The following CA10 variants were observed in gnomAD, a reference collection of about 807,000 sequenced individuals.
CA10 encodes carbonic anhydrase-related protein 10.
A neutral mutation model predicts 44.2 loss-of-function variants in CA10; 14 were observed. That is an observed-to-expected ratio of 0.32 (90% CI 0.21 to 0.50). CA10 has a LOEUF of 0.50. Among genes scored for constraint, CA10 ranks in the 20% least tolerant of loss-of-function variants. CA10 has a pLI of 0.99. For synonymous variants in CA10, 159 were observed against 141.6 expected (o/e 1.12, Z -0.87); for missense variants, 350 against 409.7 (o/e 0.85, Z 1.26).
intron 2 of CA10, among the ~76,000 whole-genome samples, chr17:51,968,666 G>A (rs911682715): frequency 6.6e-6 from 1 of 151,832 alleles, no homozygotes; most frequent in African/African-American, 2.4e-5. Context: ...TAGTGGTTAT[G>A]TGACTCAGAA....
intron 1 of CA10, among the ~76,000 whole-genome samples, chr17:52,104,472 G>A (rs1988613812): frequency 6.6e-6 from 1 of 152,106 alleles, no homozygotes; most frequent in South Asian, 2.1e-4. Context: ...CCAAAATGCT[G>A]GCATTATAGG....
At chr17:52,084,887 T>C (rs1988078578) in intron 1 of CA10, among the ~76,000 whole-genome samples, 1 of 152,168 alleles carries the variant, frequency 6.6e-6, no homozygotes, top group Non-Finnish European at 1.5e-5. Flanking sequence ...TTAGAAAATG[T>C]ATAAGAGTTC....
chr17:52,122,306 CA>C (rs1485471607), intron 1 of CA10, among the ~76,000 whole-genome samples: 2 of 151,954 alleles, frequency 1.3e-5, no homozygotes, highest in Non-Finnish European at 2.9e-5. Flanking sequence ...CATTGTGAAC[CA>C]AATATCAAAA....
At chr17:51,927,118 C>T (rs1223981115) in intron 3 of CA10, among the ~76,000 whole-genome samples, 2 of 152,126 alleles carry the variant, frequency 1.3e-5, no homozygotes, top group African/African-American at 2.4e-5. Context: ...TCATCAACTA[C>T]CTTTTATACT....
At chr17:51,647,817 T>C (rs1014521344) in intron 6 of CA10, among the ~76,000 whole-genome samples, 5 of 152,210 alleles carry the variant, frequency 3.3e-5, no homozygotes, top group African/African-American at 1.2e-4. Flanking sequence ...AGCTGAGCAA[T>C]CTAAGTGTGT....
intron 2 of CA10, among the ~76,000 whole-genome samples, chr17:51,986,723 G>A (rs2144096637): frequency 6.6e-6 from 1 of 152,030 alleles, no homozygotes; most frequent in South Asian, 2.1e-4. Flanking sequence ...ATTCTCAAAA[G>A]AAGATACACA....
chr17:51,994,465 C>T (rs571181715), intron 2 of CA10, among the ~76,000 whole-genome samples: 7 of 152,038 alleles, frequency 4.6e-5, no homozygotes, highest in Admixed American at 1.3e-4. Flanking sequence ...AGGACACATC[C>T]GACTGAAGGT....
intron 4 of CA10, among the ~76,000 whole-genome samples, chr17:51,712,712 G>T (rs193287475): frequency 2.0e-4 from 31 of 152,318 alleles, no homozygotes; most frequent in Non-Finnish European, 3.7e-4. Context: ...TGCAGGTCAG[G>T]CTCTGAACTC....
At chr17:51,930,617 A>C (rs1982617202) in intron 3 of CA10, among the ~76,000 whole-genome samples, 1 of 151,934 alleles carries the variant, frequency 6.6e-6, no homozygotes, top group African/African-American at 2.4e-5. Context: ...ATTTTTGTTA[A>C]TTGGTTTTCT....
chr17:52,044,292 T>C (rs536683530), intron 2 of CA10, among the ~76,000 whole-genome samples: 8 of 152,196 alleles, frequency 5.3e-5, no homozygotes, highest in Admixed American at 3.3e-4. Context: ...AGGTTGTATG[T>C]TTCTGGGAAT....
At chr17:51,985,245 G>A (rs1183921578) in intron 2 of CA10, among the ~76,000 whole-genome samples, 2 of 151,846 alleles carry the variant, frequency 1.3e-5, no homozygotes, top group Non-Finnish European at 2.9e-5. Context: ...CACCACATAT[G>A]TATAATTAAA....
intron 4 of CA10, among the ~76,000 whole-genome samples, chr17:51,726,597 T>TA (rs1352003460): frequency 2.0e-5 from 3 of 152,276 alleles, no homozygotes; most frequent in Admixed American, 2.0e-4. Context: ...AAAATATATA[T>TA]AAAAAAATCT....
At chr17:52,063,031 C>T (rs1987431959) in intron 2 of CA10, among the ~76,000 whole-genome samples, 1 of 152,198 alleles carries the variant, frequency 6.6e-6, no homozygotes, top group South Asian at 2.1e-4. Context: ...CTTGGGAGCC[C>T]ACTTCTCATA....
intron 1 of CA10, among the ~76,000 whole-genome samples, chr17:52,109,321 A>G (rs1308452544): frequency 1.3e-5 from 2 of 152,256 alleles, no homozygotes; most frequent in Non-Finnish European, 2.9e-5. Context: ...GGATGCATAC[A>G]TGTGTATCTT....
chr17:51,896,888 G>T (rs1981092334), intron 3 of CA10, among the ~76,000 whole-genome samples: 1 of 151,968 alleles, frequency 6.6e-6, no homozygotes, highest in Admixed American at 6.6e-5. Context: ...GTCTTCTTTT[G>T]AAAAGTGTCT....
At chr17:51,777,793 G>A (rs555634231) in intron 3 of CA10, among the ~76,000 whole-genome samples, 29 of 152,250 alleles carry the variant, frequency 1.9e-4, no homozygotes, top group South Asian at 4.1e-4. Context: ...TTAGCCAGGC[G>A]TGGTGGTATG....
intron 1 of CA10, among the ~76,000 whole-genome samples, chr17:52,089,607 T>C (rs186560116): frequency 9.9e-5 from 15 of 152,200 alleles, no homozygotes; most frequent in Admixed American, 7.2e-4. Flanking sequence ...GTTTTTTTTT[T>C]CCCTCTATAC....
chr17:52,091,050 G>A (rs1218665914), intron 1 of CA10, among the ~76,000 whole-genome samples: 1 of 151,994 alleles, frequency 6.6e-6, no homozygotes, highest in Non-Finnish European at 1.5e-5. Flanking sequence ...ATTAAATAAT[G>A]TTTTTTGAAG....
chr17:51,770,851 C>T (rs1291869482), intron 3 of CA10, among the ~76,000 whole-genome samples: 3 of 152,014 alleles, frequency 2.0e-5, no homozygotes, highest in South Asian at 2.1e-4. Context: ...CTCAGCCGGG[C>T]GCAGTGGCTC....
Sources: gnomAD v4.1 joint callset for allele counts (sites outside exome capture counted in the v4.1 genomes callset) on GRCh38, gnomAD v4.1.1 for gene constraint, MANE v1.5 for transcripts, NCBI Gene and HGNC (gene_info 2026-07-23, HGNC 2026-07-21) for gene names.